The following ERC2 variants were observed in gnomAD, a reference collection of about 807,000 sequenced individuals.
The protein encoded by ERC2 is ELKS/RAB6-interacting/CAST family member 2.
In ERC2, 42 loss-of-function variants were observed where a neutral mutation model predicts 114.8. That is an observed-to-expected ratio of 0.37 (90% CI 0.29 to 0.47). ERC2 has a LOEUF of 0.47. ERC2 is among the 20% of genes least tolerant of loss of function. The pLI is 0.99. For missense variants in ERC2, 939 were observed against 1,150.7 expected (o/e 0.82, Z 2.66); for synonymous variants, 454 against 425.5 (o/e 1.07, Z -0.82).
At chr3:55,796,427 C>A (rs1559668765) in intron 14 of ERC2, among the ~76,000 whole-genome samples, 1 of 152,092 alleles carries the variant, frequency 6.6e-6, no homozygotes. Context: ...TTGCCTGTTT[C>A]TTTTTCTTTC....
chr3:55,656,808 A>G (rs542263228), intron 17 of ERC2, among the ~76,000 whole-genome samples: 1 of 93,932 alleles, frequency 1.1e-5, no homozygotes, highest in Admixed American at 1.4e-4. Context: ...TGGCAAGCAC[A>G]GTCCCCTTCC....
chr3:56,095,581 C>A (rs536511634), intron 6 of ERC2, among the ~76,000 whole-genome samples: 1 of 152,162 alleles, frequency 6.6e-6, no homozygotes, highest in Non-Finnish European at 1.5e-5. Context: ...TTATTAAATG[C>A]CTCCTTCATG....
In ERC2 at chr3:56,460,180, C is replaced by A. The variant is rs186111251; in HGVS notation, c.-141+8068G>T. Among the ~76,000 whole-genome samples, 14 of 152,294 alleles carry A rather than the reference C, an allele frequency of 9.2e-5. No homozygotes were observed. The East Asian group carries it at 2.7e-3, about 29-fold the overall frequency. ...CAGAAAATCACAAAGAAGGCTCGGC[C>A]CTGGCTGTGAAAGTGAGACAGCTTA... is the stretch of plus-strand genomic sequence containing the variant. On this transcript the variant is annotated intron_variant, in intron 1 of 17. Coordinates refer to ENST00000288221, the MANE Select transcript of ERC2 (RefSeq NM_015576.3).
chr3:55,912,124 C>T (rs956446878), intron 13 of ERC2, among the ~76,000 whole-genome samples: 8 of 152,072 alleles, frequency 5.3e-5, no homozygotes, highest in South Asian at 2.1e-4. Context: ...TTTAAAGAAC[C>T]GGTATAAATA....
At chr3:55,732,604 G>C (rs1381601687) in intron 15 of ERC2, among the ~76,000 whole-genome samples, 1 of 152,082 alleles carries the variant, frequency 6.6e-6, no homozygotes, top group Non-Finnish European at 1.5e-5. Flanking sequence ...ATGATGCTGG[G>C]AAAGAAAAAA....
At chr3:56,241,232 G>T (rs2051300903) in intron 3 of ERC2, among the ~76,000 whole-genome samples, 1 of 152,068 alleles carries the variant, frequency 6.6e-6, no homozygotes, top group African/African-American at 2.4e-5. Flanking sequence ...AGTGGGAAAA[G>T]GACCTGAACA....
At chr3:56,401,182 ACTGC>A (rs2060505679) in intron 2 of ERC2, among the ~76,000 whole-genome samples, 1 of 152,256 alleles carries the variant, frequency 6.6e-6, no homozygotes, top group Non-Finnish European at 1.5e-5. Context: ...TAAAATGCAT[ACTGC>A]CTTTTTACCA....
At chr3:56,419,164 T>C (rs1010171658) in intron 2 of ERC2, among the ~76,000 whole-genome samples, 1 of 152,234 alleles carries the variant, frequency 6.6e-6, no homozygotes. Context: ...GCCCTTGGCA[T>C]ATAACTGGGA....
chr3:55,548,381 C>A (rs1431139035), intron 17 of ERC2, among the ~76,000 whole-genome samples: 2 of 152,222 alleles, frequency 1.3e-5, no homozygotes, highest in African/African-American at 2.4e-5. Context: ...TCAGTTGTTA[C>A]AGGAGATGTA....
At chr3:55,893,757 C>A (rs1250443189) in intron 13 of ERC2, among the ~76,000 whole-genome samples, 1 of 152,108 alleles carries the variant, frequency 6.6e-6, no homozygotes, top group Non-Finnish European at 1.5e-5. Context: ...TCCATCATTC[C>A]CTTCTATCAT....
At chr3:55,790,956 T>C (rs531857755) in intron 14 of ERC2, among the ~76,000 whole-genome samples, 13 of 152,360 alleles carry the variant, frequency 8.5e-5, no homozygotes, top group African/African-American at 3.1e-4. Context: ...CCTCCATTCC[T>C]GATGGGTGTG....
chr3:55,938,169 A>ACAT, intron 13 of ERC2, among the ~76,000 whole-genome samples: 1 of 152,250 alleles, frequency 6.6e-6, no homozygotes, highest in East Asian at 1.9e-4. Flanking sequence ...AGGTTCTTTC[A>ACAT]GAGCCCAACA....
intron 5 of ERC2, among the ~76,000 whole-genome samples, chr3:56,148,014 T>C (rs1189188369): frequency 6.6e-6 from 1 of 152,160 alleles, no homozygotes; most frequent in Non-Finnish European, 1.5e-5. Context: ...TTATAAAGAT[T>C]CCTAGCAATA....
At chr3:56,046,407 A>G (rs963041030) in intron 7 of ERC2, among the ~76,000 whole-genome samples, 3 of 152,182 alleles carry the variant, frequency 2.0e-5, no homozygotes, top group Non-Finnish European at 4.4e-5. Context: ...TAAGAACAGC[A>G]TAGACATCGG....
At chr3:55,832,217 C>T (rs1276502428) in intron 14 of ERC2, among the ~76,000 whole-genome samples, 1 of 152,236 alleles carries the variant, frequency 6.6e-6, no homozygotes, top group Non-Finnish European at 1.5e-5. Flanking sequence ...CCTCTGCAGA[C>T]TTAAATGTCC....
chr3:56,392,924 T>G (rs993505009), intron 2 of ERC2, among the ~76,000 whole-genome samples: 3 of 152,164 alleles, frequency 2.0e-5, no homozygotes, highest in Non-Finnish European at 4.4e-5. Flanking sequence ...CCACCCTCCA[T>G]GATCTCACCT....
intron 15 of ERC2, among the ~76,000 whole-genome samples, chr3:55,728,303 A>G (rs2065043652): frequency 6.6e-6 from 1 of 152,116 alleles, no homozygotes; most frequent in South Asian, 2.1e-4. Flanking sequence ...ATCATCACAA[A>G]ACAAATGGAA....
intron 3 of ERC2, among the ~76,000 whole-genome samples, chr3:56,267,615 C>CAA (rs56998182): frequency 2.9e-3 from 412 of 144,114 alleles, no homozygotes; most frequent in South Asian, 4.9e-3. Flanking sequence ...ACTAAAAATA[C>CAA]AAAAAAAAAA....
At chr3:55,995,525 C>T (rs1441011198) in intron 10 of ERC2, among the ~76,000 whole-genome samples, 1 of 152,128 alleles carries the variant, frequency 6.6e-6, no homozygotes, top group Non-Finnish European at 1.5e-5. Context: ...TTTAAATCAA[C>T]AGAAAGCTTT....
Sources: gnomAD v4.1 joint callset for allele counts (sites outside exome capture counted in the v4.1 genomes callset) on GRCh38, gnomAD v4.1.1 for gene constraint, MANE v1.5 for transcripts, NCBI Gene and HGNC (gene_info 2026-07-23, HGNC 2026-07-21) for gene names.